Variants in PCDHGC3 observed in about 807,000 individuals in gnomAD.
PCDHGC3 encodes protocadherin gamma subfamily C, 3, also known as protocadherin gamma-C3.
Under a neutral mutation model 59.2 loss-of-function variants are expected in PCDHGC3, and 26 were observed. The observed-to-expected ratio is 0.44, with a 90% CI of 0.32 to 0.61. The LOEUF (loss-of-function observed/expected upper bound fraction) is 0.61, where lower values mean the gene tolerates loss of function less well. Among genes scored for constraint, PCDHGC3 ranks in the 20% least tolerant of loss-of-function variants. PCDHGC3 has a pLI of 0.05. For synonymous variants in PCDHGC3, 487 were observed against 519.7 expected, an observed-to-expected ratio of 0.94 and a Z score of 0.86; for missense variants, 1,080 against 1,221.8, an observed-to-expected ratio of 0.88 and a Z score of 1.73.
chr5:141,489,312 G>A lies in PCDHGC3; in HGVS notation c.2431-5495G>A, dbSNP rs745541067. The A allele has an allele frequency of 2.5e-6, 4 of 1,594,972 alleles. No homozygotes were observed. The highest frequency in any genetic ancestry group is 2.6e-6 in the Non-Finnish European group (3 of 1,169,822). On this transcript the variant is annotated intron_variant, in intron 1 of 3. Transcript: ENST00000308177. This position sits in a 1 kb window ranked among gnomAD's most constrained non-coding sequence, Gnocchi z 4.5. ...TGTGCATGTTGTCCTTGTGCTGCTG[G>A]GGCTGGGTGTCTGGGCAGCTTCGTT...
chr5:141,476,416 A>C lies in PCDHGC3; in HGVS notation c.300A>C (p.Thr100=), dbSNP rs2099391138. The change falls in exon 1 of 4, where the codon ACA becomes ACC. Residue 100 remains threonine, a synonymous_variant. Coordinates refer to ENST00000308177, the MANE Select transcript of PCDHGC3 (RefSeq NM_002588.4). The surrounding 1 kb of genome is among the most constrained non-coding windows in gnomAD (Gnocchi z 7.6). The part of the protein sequence containing the change: ...DRLDREELCG[T]LPSCTVTLEL... ...TGGATCGAGAGGAGCTGTGTGGGACACTGCCCTCTTGCACTGTAACTCTGG... is the reference window on the plus strand; with the variant it reads ...TGGATCGAGAGGAGCTGTGTGGGACCCTGCCCTCTTGCACTGTAACTCTGG... 6.2e-7 allele frequency: 1 copy of C among 1,614,056 alleles called. No homozygotes were observed. The highest frequency in any genetic ancestry group is 8.5e-7 in the Non-Finnish European group (1 of 1,179,994).
Position 141,486,397 on chromosome 5 carries a change from G to A in PCDHGC3, c.2430+7851G>A, listed in dbSNP as rs778989869. The A allele has an allele frequency of 5.0e-6, 8 of 1,614,046 alleles. No individual in the cohort carries two copies. The South Asian group carries it at 7.7e-5, about 16-fold the overall frequency. ...CCTTCAGGAACCAGTTCTCCCTGGT[G>A]ACTGCTGGACCCTTGGATCGAGAGG... On this transcript the variant is annotated intron_variant, in intron 1 of 3. Transcript: ENST00000308177. The surrounding 1 kb of genome is among the most constrained non-coding windows in gnomAD (Gnocchi z 5.0).
Position 141,485,631 on chromosome 5 carries a change from C to T in PCDHGC3, c.2430+7085C>T. 6.2e-7 allele frequency: 1 copy of T among 1,611,764 alleles called. No homozygotes were observed. The highest frequency in any genetic ancestry group is 8.5e-7 in the Non-Finnish European group (1 of 1,178,360). Reference sequence around the variant, plus strand: ...GCAGCTCCTCCAGGACAGCGTTTCCCGTTGGAAAAGGCTCAGGATGCAGAT... The same window carrying T: ...GCAGCTCCTCCAGGACAGCGTTTCCTGTTGGAAAAGGCTCAGGATGCAGAT... On this transcript the variant is annotated intron_variant, in intron 1 of 3. Coordinates refer to ENST00000308177, the MANE Select transcript of PCDHGC3 (RefSeq NM_002588.4). The surrounding 1 kb of genome is among the most constrained non-coding windows in gnomAD (Gnocchi z 5.7).
At position 141,512,045 on chromosome 5, in the gene PCDHGC3, C is replaced by T. The variant is rs568357347; in HGVS notation, c.*872C>T. On this transcript the variant is annotated 3_prime_UTR_variant, in exon 4 of 4. Transcript: ENST00000308177. ...GGCCTTGGAGGAGGCTCTGTATGTC[C>T]TCAGGGGACTGACAACATCCTCCAG... The T allele has an allele frequency of 1.5e-3, 224 of 152,846 alleles. 2 individuals are homozygous for T. The highest frequency in any genetic ancestry group is 4.6e-4 in the Non-Finnish European group (31 of 68,130). The allele number at this position is 152,846 out of a possible 1,614,324, so 9.5% of individuals were successfully genotyped here. A position where few individuals can be genotyped will look rare whatever the true frequency, so the allele number is the denominator to read the frequency against.
intron 1 of PCDHGC3, among the ~76,000 whole-genome samples, chr5:141,483,679 CAGAA>C (rs1470395939): frequency 6.7e-6 from 1 of 149,028 alleles, no homozygotes; most frequent in Non-Finnish European, 1.5e-5. Flanking sequence ...TAAAAGAACA[CAGAA>C]AGCCAGATTC....
At chr5:141,501,600 C>G (rs1320824291) in intron 2 of PCDHGC3, among the ~76,000 whole-genome samples, 1 of 152,040 alleles carries the variant, frequency 6.6e-6, no homozygotes, top group Admixed American at 6.6e-5. Flanking sequence ...TCTACCAGTT[C>G]CAGCTGTGTG....
In PCDHGC3 at chr5:141,511,829, G is replaced by A. The variant is rs1181369164; in HGVS notation, c.*656G>A. 1 of 156,774 alleles carries A rather than the reference G, an allele frequency of 6.4e-6. No individual in the cohort carries two copies. Among genetic ancestry groups the A allele is most frequent in the Non-Finnish European group, 1.4e-5 (1 of 70,652 alleles). The allele number at this position is 156,774 out of a possible 1,614,324, so 9.7% of individuals were successfully genotyped here. Reference sequence around the variant, plus strand: ...TACCAAGCCTCTTCCCAACGCCCTGGGGACCAGTCTTCTGTTTTGTTTTTC... The same window carrying A: ...TACCAAGCCTCTTCCCAACGCCCTGAGGACCAGTCTTCTGTTTTGTTTTTC... On this transcript the variant is annotated 3_prime_UTR_variant, in exon 4 of 4. Transcript: ENST00000308177.
intron 1 of PCDHGC3, among the ~76,000 whole-genome samples, chr5:141,480,874 G>A (rs1487409799): frequency 2.6e-5 from 4 of 151,950 alleles, no homozygotes; most frequent in African/African-American, 7.3e-5. Context: ...GTGAAACCCC[G>A]TCTCTACTAA....
In PCDHGC3 at chr5:141,511,548, A is replaced by C; in HGVS notation, c.*375A>C. 3.3e-6 allele frequency: 1 copy of C among 306,952 alleles called. No homozygotes were observed. The highest frequency in any genetic ancestry group is 6.3e-6 in the Non-Finnish European group (1 of 158,248). 19.0% of individuals were successfully genotyped at this position (306,952 alleles called of 1,614,324 possible). ...CCTCCCTCCTCCCCACCCCACTCCA[A>C]CAGTTCCTCTTTCCCGAGTAAGGTG... is the stretch of plus-strand genomic sequence containing the variant. On this transcript the variant is annotated 3_prime_UTR_variant, in exon 4 of 4. Transcript: ENST00000308177.
At position 141,477,579 on chromosome 5, in the gene PCDHGC3, A is replaced by G. The variant is rs774773400; in HGVS notation, c.1463A>G (p.Gln488Arg). The stretch of plus-strand genomic sequence containing the variant: ...AGTGTCTGGGACCCCGACGCCCCGC[A>G]GAATGCTCGGCTTTCTTTCTTTCTC... ...NLSVWDPDAPQNARLSFFLLE... is the reference protein window; with the variant it reads ...NLSVWDPDAPRNARLSFFLLE... The change falls in exon 1 of 4, where the codon CAG becomes CGG. Residue 488 changes from glutamine (Q) to arginine (R), a missense_variant. Physicochemically the swap from Gln to Arg is conservative, Grantham distance 43 (BLOSUM62 1). Coordinates refer to ENST00000308177, the MANE Select transcript of PCDHGC3 (RefSeq NM_002588.4). The surrounding 1 kb of genome is among the most constrained non-coding windows in gnomAD (Gnocchi z 4.9). The G allele has an allele frequency of 1.7e-5, 27 of 1,614,036 alleles. No individual in the cohort carries two copies. The highest frequency in any genetic ancestry group is 2.0e-5 in the Non-Finnish European group (24 of 1,180,036).
In PCDHGC3 at chr5:141,486,885, G is replaced by C. The variant is rs139638334; in HGVS notation, c.2431-7922G>C. 1.2e-6 allele frequency: 2 copies of C among 1,614,076 alleles called. No individual in the cohort carries two copies. Among genetic ancestry groups the C allele is most frequent in the East Asian group, 4.5e-5 (2 of 44,892 alleles). On this transcript the variant is annotated intron_variant, in intron 1 of 3. Coordinates refer to ENST00000308177, the MANE Select transcript of PCDHGC3 (RefSeq NM_002588.4). This position sits in a 1 kb window ranked among gnomAD's most constrained non-coding sequence, Gnocchi z 5.0. ...CCAGCTGTGCTCCGTCCTCGGGCCC[G>C]GCCTGGTTCCTTATGTCCCCAAGCA...
chr5:141,501,290 T>TACACATAC (rs1224133816), intron 2 of PCDHGC3, among the ~76,000 whole-genome samples: 1,510 of 136,196 alleles, frequency 0.011, 8 homozygotes, highest in Admixed American at 0.014. Flanking sequence ...TATTCCCTTA[T>TACACATAC]ACACACACAC....
In PCDHGC3 at chr5:141,491,797, G is replaced by T. The variant is rs537755017; in HGVS notation, c.2431-3010G>T. The stretch of plus-strand genomic sequence containing the variant: ...ATTGAACTTGCATCCACTCCTCTCC[G>T]GCCGGCTTGGTCGCTGGCTGCGCTC... On this transcript the variant is annotated intron_variant, in intron 1 of 3. Coordinates refer to ENST00000308177, the MANE Select transcript of PCDHGC3 (RefSeq NM_002588.4). The surrounding 1 kb of genome is among the most constrained non-coding windows in gnomAD (Gnocchi z 6.9). 2.0e-6 allele frequency: 3 copies of T among 1,506,818 alleles called. No homozygotes were observed. The highest frequency in any genetic ancestry group is 2.4e-5 in the Admixed American group (1 of 41,734). 93.3% of individuals were successfully genotyped at this position (1,506,818 alleles called of 1,614,324 possible). A position where few individuals can be genotyped will look rare whatever the true frequency, so the allele number is the denominator to read the frequency against.
Position 141,490,483 on chromosome 5 carries a change from G to A in PCDHGC3, c.2431-4324G>A. On this transcript the variant is annotated intron_variant, in intron 1 of 3. Transcript: ENST00000308177. The surrounding 1 kb of genome is among the most constrained non-coding windows in gnomAD (Gnocchi z 5.4). ...GCTAACCAGCCAGCCTTTGGACCGG[G>A]AGGCCACATCCCACTATATCATCGA... 2.5e-6 allele frequency: 4 copies of A among 1,614,198 alleles called. No individual in the cohort carries two copies. Among genetic ancestry groups the A allele is most frequent in the Non-Finnish European group, 3.4e-6 (4 of 1,180,046 alleles).
At chr5:141,479,366 T>A (rs2099494042) in intron 1 of PCDHGC3, 1 of 152,302 alleles carries the variant, frequency 6.6e-6, no homozygotes, top group Non-Finnish European at 1.5e-5. Flanking sequence ...GTGCCTGAGG[T>A]GGGAGGATTG....
At position 141,485,709 on chromosome 5, in the gene PCDHGC3, C is replaced by A. The variant is rs2099618118; in HGVS notation, c.2430+7163C>A. On this transcript the variant is annotated intron_variant, in intron 1 of 3. Transcript: ENST00000308177. This position sits in a 1 kb window ranked among gnomAD's most constrained non-coding sequence, Gnocchi z 5.7. ...AGGCTGAGCTCCAATGAACACTTTGCACTGGATGTGAAGAAGCGCAGCGAC... is the reference window on the plus strand; with the variant it reads ...AGGCTGAGCTCCAATGAACACTTTGAACTGGATGTGAAGAAGCGCAGCGAC... The A allele has an allele frequency of 1.2e-6, 2 of 1,614,128 alleles. No homozygotes were observed. The highest frequency in any genetic ancestry group is 1.7e-6 in the Non-Finnish European group (2 of 1,180,028).
At chr5:141,508,824 G>T (rs893436748) in intron 3 of PCDHGC3, among the ~76,000 whole-genome samples, 1 of 151,952 alleles carries the variant, frequency 6.6e-6, no homozygotes, top group Non-Finnish European at 1.5e-5. Context: ...CCAGATCTGG[G>T]CCCCCCTCCC....
chr5:141,478,783 T>G (rs1435790850), intron 1 of PCDHGC3: 2 of 1,483,968 alleles, frequency 1.3e-6, no homozygotes, highest in Admixed American at 4.6e-5. Flanking sequence ...TGGACCTAAT[T>G]CACATCCTCA....
intron 1 of PCDHGC3, among the ~76,000 whole-genome samples, chr5:141,480,704 G>A (rs545986902): frequency 8.5e-5 from 13 of 152,206 alleles, no homozygotes; most frequent in East Asian, 5.8e-4. Flanking sequence ...GCCACACCCC[G>A]ACAAATGAAA....
Sources: allele counts gnomAD v4.1 joint callset (sites outside exome capture counted in the v4.1 genomes callset), GRCh38; gene constraint gnomAD v4.1.1; non-coding constraint Gnocchi (gnomAD v3.1); transcripts MANE v1.5; gene names NCBI Gene and HGNC (gene_info 2026-07-23, HGNC 2026-07-21).